The following ANKS1B variants were observed in gnomAD, a reference collection of about 807,000 sequenced individuals.
ANKS1B encodes the protein ankyrin repeat and sterile alpha motif domain-containing protein 1B.
ANKS1B carries 36 observed loss-of-function variants against 148.3 expected under a neutral mutation model. That is an observed-to-expected ratio of 0.24 (90% CI 0.19 to 0.32). The LOEUF is 0.32. Ranked by LOEUF, ANKS1B falls within the 10% of genes least tolerant of loss-of-function variation. The probability of loss-of-function intolerance (pLI) is 1.00; values close to 1 mark genes in which losing one functional copy is unlikely to be tolerated. For missense variants in ANKS1B, 1,157 were observed against 1,542.6 expected, an observed-to-expected ratio of 0.75 and a Z score of 4.19; for synonymous variants, 542 against 560.8, an observed-to-expected ratio of 0.97 and a Z score of 0.47.
At chr12:99,673,902 T>A (rs2098549849) in intron 8 of ANKS1B, among the ~76,000 whole-genome samples, 1 of 151,598 alleles carries the variant, frequency 6.6e-6, no homozygotes, top group African/African-American at 2.4e-5. Flanking sequence ...AAATTATAAT[T>A]TAGAAGGGTA....
At chr12:99,184,774 C>T (rs1024746799) in intron 14 of ANKS1B, among the ~76,000 whole-genome samples, 3 of 152,148 alleles carry the variant, frequency 2.0e-5, no homozygotes, top group Non-Finnish European at 4.4e-5. Flanking sequence ...ATTTCCTCTG[C>T]CACTTACTAA....
rs375757403 is a variant in ANKS1B at position 99,463,659 on chromosome 12, G to A, written c.1439-19850C>T. 2.6e-5 allele frequency among the ~76,000 whole-genome samples: 4 copies of A among 152,334 alleles called. No homozygotes were observed. The East Asian group carries it at 7.7e-4, about 29-fold the overall frequency. On this transcript the variant is annotated intron_variant, in intron 10 of 26. Transcript: ENST00000683438. ...TTATATCCTGTGCATGGCTCGGAGGGTCCTACGCCCACGGAGTCTCACTGA... is the reference window on the plus strand; with the variant it reads ...TTATATCCTGTGCATGGCTCGGAGGATCCTACGCCCACGGAGTCTCACTGA...
intron 1 of ANKS1B, among the ~76,000 whole-genome samples, chr12:99,927,338 A>T (rs1255476969): frequency 1.3e-5 from 2 of 152,224 alleles, no homozygotes; most frequent in East Asian, 3.8e-4. Flanking sequence ...TTCCTACTGC[A>T]TGTAAATCAT....
intron 12 of ANKS1B, among the ~76,000 whole-genome samples, chr12:99,296,225 T>C (rs983625547): frequency 3.3e-5 from 5 of 152,208 alleles, no homozygotes; most frequent in African/African-American, 7.2e-5. Flanking sequence ...TGGTCTTAAA[T>C]ATCATGACTT....
intron 26 of ANKS1B, among the ~76,000 whole-genome samples, chr12:98,746,562 C>A (rs1565961137): frequency 1.3e-5 from 2 of 152,350 alleles, no homozygotes; most frequent in East Asian, 3.9e-4. Context: ...TTATTCCTGA[C>A]AATACTTATT....
chr12:99,140,310 C>T (rs1272054575), intron 15 of ANKS1B, among the ~76,000 whole-genome samples: 1 of 152,174 alleles, frequency 6.6e-6, no homozygotes, highest in Non-Finnish European at 1.5e-5. Context: ...ATTAAGGTGA[C>T]TAACTTTCCA....
intron 16 of ANKS1B, among the ~76,000 whole-genome samples, chr12:99,066,924 T>C (rs1028996172): frequency 3.2e-4 from 49 of 152,274 alleles, no homozygotes; most frequent in African/African-American, 1.1e-3. Context: ...TATGGGTGAC[T>C]GGCAGGGACA....
intron 14 of ANKS1B, among the ~76,000 whole-genome samples, chr12:99,168,225 TA>T (rs1420160435): frequency 5.9e-5 from 9 of 152,300 alleles, no homozygotes; most frequent in Non-Finnish European, 1.0e-4. Flanking sequence ...AAGCCTACTT[TA>T]AAAAGTTAAG....
chr12:99,671,993 G>T, intron 8 of ANKS1B, among the ~76,000 whole-genome samples: 1 of 152,052 alleles, frequency 6.6e-6, no homozygotes, highest in South Asian at 2.1e-4. Context: ...TCTTTTTTGA[G>T]ATAAAATTTT....
At chr12:99,125,130 G>A (rs2063943360) in intron 15 of ANKS1B, among the ~76,000 whole-genome samples, 1 of 152,148 alleles carries the variant, frequency 6.6e-6, no homozygotes, top group African/African-American at 2.4e-5. Context: ...ATGCTGATGA[G>A]GATAATCGAC....
At chr12:98,868,300 C>G (rs2099635924) in intron 17 of ANKS1B, among the ~76,000 whole-genome samples, 1 of 151,904 alleles carries the variant, frequency 6.6e-6, no homozygotes, top group Non-Finnish European at 1.5e-5. Flanking sequence ...TAGGTGTGGG[C>G]TGCTTGGAAC....
chr12:99,396,587 T>C (rs553758270), intron 12 of ANKS1B, among the ~76,000 whole-genome samples: 1 of 152,310 alleles, frequency 6.6e-6, no homozygotes, highest in South Asian at 2.1e-4. Flanking sequence ...GAAAATATCC[T>C]GATGATTACA....
chr12:99,546,594 C>T (rs995233227), intron 9 of ANKS1B, among the ~76,000 whole-genome samples: 53 of 152,106 alleles, frequency 3.5e-4, no homozygotes, highest in African/African-American at 1.3e-3. Flanking sequence ...TACAGGCAAT[C>T]AATCCATGCT....
At chr12:99,649,551 G>A in intron 9 of ANKS1B, 1 of 610,872 alleles carries the variant, frequency 1.6e-6, no homozygotes, top group South Asian at 2.0e-5. Context: ...CTGCAACCAA[G>A]TCTGCAGACT....
intron 14 of ANKS1B, among the ~76,000 whole-genome samples, chr12:99,237,550 C>T (rs1033321014): frequency 2.0e-5 from 3 of 152,154 alleles, no homozygotes; most frequent in Non-Finnish European, 2.9e-5. Flanking sequence ...GTAAAACCAA[C>T]TATTTGTGAA....
At chr12:99,932,062 C>T (rs10745879) in intron 1 of ANKS1B, among the ~76,000 whole-genome samples, 91,103 of 151,912 alleles carry the variant, frequency 0.6, 28,411 homozygotes, top group Middle Eastern at 0.69. Flanking sequence ...CTTGACATAA[C>T]GTCTTCCAAT....
intron 8 of ANKS1B, among the ~76,000 whole-genome samples, chr12:99,683,024 G>A (rs2098630242): frequency 6.6e-6 from 1 of 152,144 alleles, no homozygotes; most frequent in Non-Finnish European, 1.5e-5. Context: ...CATGGCAGCA[G>A]ACATGAGAGA....
chr12:98,774,649 A>G (rs2098648983), intron 24 of ANKS1B, among the ~76,000 whole-genome samples: 1 of 152,218 alleles, frequency 6.6e-6, no homozygotes, highest in African/African-American at 2.4e-5. Flanking sequence ...GCTGTCTTAA[A>G]TAACCTGTTG....
intron 14 of ANKS1B, among the ~76,000 whole-genome samples, chr12:99,225,856 T>G (rs1460584204): frequency 6.6e-6 from 1 of 152,234 alleles, no homozygotes; most frequent in Non-Finnish European, 1.5e-5. Flanking sequence ...GACAGCATAT[T>G]GTGGGACTTC....
Sources: gnomAD v4.1 joint callset for allele counts (sites outside exome capture counted in the v4.1 genomes callset) on GRCh38, gnomAD v4.1.1 for gene constraint, MANE v1.5 for transcripts, NCBI Gene and HGNC (gene_info 2026-07-23, HGNC 2026-07-21) for gene names.